Variants in KCTD1 observed in about 807,000 individuals in gnomAD.
The protein encoded by KCTD1 is potassium channel tetramerization domain containing 1.
A neutral mutation model predicts 66.0 loss-of-function variants in KCTD1; 24 were observed. That is an observed-to-expected ratio of 0.36 (90% CI 0.26 to 0.51). KCTD1 has a LOEUF of 0.51. Among genes scored for constraint, KCTD1 ranks in the 20% least tolerant of loss-of-function variants. KCTD1 has a pLI of 0.95. For synonymous variants in KCTD1, 511 were observed against 517.2 expected, an observed-to-expected ratio of 0.99 and a Z score of 0.16; for missense variants, 943 against 1,205.2, an observed-to-expected ratio of 0.78 and a Z score of 3.22.
At chr18:26,604,729 G>A (rs540436245) in intron 1 of KCTD1, among the ~76,000 whole-genome samples, 19 of 152,176 alleles carry the variant, frequency 1.2e-4, no homozygotes, top group South Asian at 6.2e-4. Context: ...AGACACAGGC[G>A]TCTACTTGAG....
chr18:26,595,491 C>G (rs776578075), intron 1 of KCTD1, among the ~76,000 whole-genome samples: 1 of 152,188 alleles, frequency 6.6e-6, no homozygotes, highest in African/African-American at 2.4e-5. Flanking sequence ...AGGGAGGGGC[C>G]TGCACAACTC....
chr18:26,532,544 G>A (rs1053900346), intron 1 of KCTD1, among the ~76,000 whole-genome samples: 4 of 152,104 alleles, frequency 2.6e-5, no homozygotes, highest in African/African-American at 4.8e-5. Flanking sequence ...GGTTACAGGC[G>A]TGAGTCATGG....
At chr18:26,617,839 G>A (rs1987287195) in intron 1 of KCTD1, among the ~76,000 whole-genome samples, 1 of 67,544 alleles carries the variant, frequency 1.5e-5, no homozygotes, top group African/African-American at 6.3e-5. Context: ...GAAGAAGGAA[G>A]GAAGGAAGGA....
chr18:26,488,889 G>A (rs1199602005), intron 2 of KCTD1, among the ~76,000 whole-genome samples: 3 of 152,116 alleles, frequency 2.0e-5, no homozygotes, highest in South Asian at 2.1e-4. Context: ...TCAGACAGTC[G>A]GGCAAATAGC....
chr18:26,462,700 AT>A (rs1980501190), intron 3 of KCTD1, among the ~76,000 whole-genome samples: 2 of 152,214 alleles, frequency 1.3e-5, no homozygotes, highest in African/African-American at 4.8e-5. Context: ...GTCTTAGCTC[AT>A]CAGAAATGAA....
intron 1 of KCTD1, among the ~76,000 whole-genome samples, chr18:26,556,391 C>G (rs1176147879): frequency 6.6e-6 from 1 of 152,092 alleles, no homozygotes; most frequent in Non-Finnish European, 1.5e-5. Flanking sequence ...ATTAGGATAC[C>G]CCAGGGGTCA....
At chr18:26,549,411 C>T (rs1369406703), upstream of KCTD1, 2 of 985,518 alleles carry the variant, frequency 2.0e-6, no homozygotes, top group African/African-American at 3.5e-5. Context: ...CCCCGTAGGT[C>T]TGGGGCAAGT....
In KCTD1 at chr18:26,455,319, AAG is replaced by A. The variant is rs1248887919; in HGVS notation, c.*422_*423del. 6.5e-6 allele frequency: 1 copy of A among 152,888 alleles called. No individual in the cohort carries two copies. The highest frequency in any genetic ancestry group is 1.5e-5 in the Non-Finnish European group (1 of 68,320). 9.5% of individuals were successfully genotyped at this position (152,888 alleles called of 1,614,324 possible). ...TGTTTGTTTTGTTTTTTTAAAAAAAAAGGAAAAAGAAAGACAAAGGAAAAAAG... is the reference window on the plus strand; with the variant it reads ...TGTTTGTTTTGTTTTTTTAAAAAAAAGAAAAAGAAAGACAAAGGAAAAAAG... On this transcript the variant is annotated 3_prime_UTR_variant, in exon 5 of 5. Coordinates refer to ENST00000580059, the MANE Select transcript of KCTD1 (RefSeq NM_001142730.3).
intron 1 of KCTD1, among the ~76,000 whole-genome samples, chr18:26,623,120 C>T (rs1987424614): frequency 6.6e-6 from 1 of 152,142 alleles, no homozygotes; most frequent in South Asian, 2.1e-4. Context: ...CCTCTCCTGG[C>T]TCCAGGTCTC....
chr18:26,655,435 T>TACACAC (rs10631197), intron 1 of KCTD1, among the ~76,000 whole-genome samples: 3 of 150,760 alleles, frequency 2.0e-5, no homozygotes, highest in Admixed American at 6.6e-5. Context: ...CCACTCAGGA[T>TACACAC]ACACACACAC....
chr18:26,606,845 A>C (rs1388961522), intron 1 of KCTD1, among the ~76,000 whole-genome samples: 1 of 152,256 alleles, frequency 6.6e-6, no homozygotes, highest in African/African-American at 2.4e-5. Context: ...TGTGGGAGAC[A>C]GTATTCACTA....
At chr18:26,459,036 G>A (rs1327419201) in intron 4 of KCTD1, 1 of 152,318 alleles carries the variant, frequency 6.6e-6, no homozygotes, top group Non-Finnish European at 1.5e-5. Context: ...ACCTCCTAAC[G>A]AGGCTCTCCG....
At chr18:26,493,976 G>A (rs1005865302) in intron 2 of KCTD1, among the ~76,000 whole-genome samples, 1 of 152,180 alleles carries the variant, frequency 6.6e-6, no homozygotes, top group African/African-American at 2.4e-5. Context: ...TTTACTGGCT[G>A]TCCTTCGCCC....
At chr18:26,633,325 A>G (rs891316110), upstream of KCTD1, among the ~76,000 whole-genome samples, 1 of 152,176 alleles carries the variant, frequency 6.6e-6, no homozygotes, top group Non-Finnish European at 1.5e-5. Context: ...CATTCCCCAG[A>G]GAGTAAAGTC....
At chr18:26,643,823 T>G (rs181102814), upstream of KCTD1, among the ~76,000 whole-genome samples, 48 of 152,174 alleles carry the variant, frequency 3.2e-4, no homozygotes, top group African/African-American at 8.2e-4. Context: ...TTAGCCGGGC[T>G]TGGTGGCGGG....
upstream of KCTD1, among the ~76,000 whole-genome samples, chr18:26,631,592 A>C (rs1987619248): frequency 6.6e-6 from 1 of 152,234 alleles, no homozygotes; most frequent in Non-Finnish European, 1.5e-5. Context: ...CAATTAAAGG[A>C]GAAAATTAAT....
intron 1 of KCTD1, among the ~76,000 whole-genome samples, chr18:26,529,587 G>A (rs1359028917): frequency 1.3e-5 from 2 of 152,178 alleles, no homozygotes; most frequent in Non-Finnish European, 2.9e-5. Context: ...AGAACCAAGA[G>A]AAACTAACCG....
chr18:26,628,408 GCA>G lies in KCTD1; in HGVS notation c.-16+737_-16+738del, dbSNP rs199955320. On this transcript the variant is annotated intron_variant, in intron 1 of 4. Coordinates refer to the KCTD1 transcript ENST00000317932. ...CATAATTCCCATGTACCATTTCCAT[GCA>G]AGTTTCTTTTAAAAAGTGGAAATAA... Among the ~76,000 whole-genome samples the G allele has an allele frequency of 3.6e-4, 55 of 152,038 alleles. 1 individual carries two copies. The East Asian group carries it at 0.011, about 29-fold the overall frequency.
intron 1 of KCTD1, among the ~76,000 whole-genome samples, chr18:26,611,489 TACAGGTGTGC>T (rs545894287): frequency 2.0e-3 from 297 of 152,300 alleles, no homozygotes; most frequent in South Asian, 4.8e-3. Context: ...TAGCTGGAAT[TACAGGTGTGC>T]ACCACCACAC....
Sources: gnomAD v4.1 joint callset for allele counts (sites outside exome capture counted in the v4.1 genomes callset) on GRCh38, gnomAD v4.1.1 for gene constraint, MANE v1.5 for transcripts, NCBI Gene and HGNC (gene_info 2026-07-23, HGNC 2026-07-21) for gene names.